The following SPHKAP variants were observed in gnomAD, a reference collection of about 807,000 sequenced individuals.
The protein encoded by SPHKAP is A-kinase anchor protein SPHKAP.
SPHKAP carries 67 observed loss-of-function variants against 137.5 expected under a neutral mutation model. The observed-to-expected ratio is 0.49, with a 90% CI of 0.40 to 0.60. The LOEUF is 0.60. Ranked by LOEUF, SPHKAP falls within the 20% of genes least tolerant of loss-of-function variation. The pLI is 0.00. For synonymous variants in SPHKAP, 813 were observed against 785.3 expected, an observed-to-expected ratio of 1.04 and a Z score of -0.59; for missense variants, 2,097 against 2,069.3, an observed-to-expected ratio of 1.01 and a Z score of -0.26.
intron 7 of SPHKAP, among the ~76,000 whole-genome samples, chr2:228,009,234 A>G (rs1220350053): frequency 6.6e-6 from 1 of 152,036 alleles, no homozygotes; most frequent in African/African-American, 2.4e-5. Flanking sequence ...AGAAATCTGC[A>G]GTTTTATTTG....
At chr2:228,158,006 A>G (rs893503000) in intron 1 of SPHKAP, among the ~76,000 whole-genome samples, 4 of 152,238 alleles carry the variant, frequency 2.6e-5, no homozygotes, top group Admixed American at 6.5e-5. Flanking sequence ...GCACAACAGC[A>G]TGTCAAGCTT....
intron 1 of SPHKAP, among the ~76,000 whole-genome samples, chr2:228,152,981 G>A (rs1574899962): frequency 1.3e-5 from 2 of 152,034 alleles, no homozygotes; most frequent in South Asian, 2.1e-4. Context: ...CTGTTCTCGT[G>A]GTTTTAAGTC....
chr2:228,147,554 C>G (rs1007829771), intron 1 of SPHKAP, among the ~76,000 whole-genome samples: 18 of 152,154 alleles, frequency 1.2e-4, no homozygotes, highest in Non-Finnish European at 2.9e-5. Flanking sequence ...GAAGATACTA[C>G]TATGCAGAAG....
At chr2:228,090,589 C>T (rs1348289567) in intron 3 of SPHKAP, among the ~76,000 whole-genome samples, 1 of 152,090 alleles carries the variant, frequency 6.6e-6, no homozygotes, top group African/African-American at 2.4e-5. Context: ...TTTATCCCTT[C>T]CAAATCTCAT....
chr2:228,169,094 A>G (rs898116564), intron 1 of SPHKAP, among the ~76,000 whole-genome samples: 1 of 152,158 alleles, frequency 6.6e-6, no homozygotes, highest in African/African-American at 2.4e-5. Context: ...TGAAGCCAGC[A>G]GAGGTTGGTT....
intron 9 of SPHKAP, chr2:227,991,757 C>G: frequency 2.6e-6 from 2 of 784,302 alleles, no homozygotes; most frequent in Non-Finnish European, 3.1e-6. Flanking sequence ...AATTTTTTTT[C>G]TATACTACAA....
At chr2:228,026,591 C>T (rs1695040968) in intron 4 of SPHKAP, among the ~76,000 whole-genome samples, 1 of 139,950 alleles carries the variant, frequency 7.1e-6, no homozygotes, top group South Asian at 2.5e-4. Context: ...AAACACACTA[C>T]TCTTAGATAC....
intron 7 of SPHKAP, among the ~76,000 whole-genome samples, chr2:228,001,332 T>C (rs112726834): frequency 2.1e-5 from 3 of 143,016 alleles, no homozygotes; most frequent in South Asian, 4.2e-4. Context: ...TATATATACA[T>C]ATATAAATAT....
intron 3 of SPHKAP, among the ~76,000 whole-genome samples, chr2:228,039,335 A>T (rs1242205385): frequency 1.3e-5 from 2 of 152,228 alleles, no homozygotes; most frequent in Non-Finnish European, 2.9e-5. Context: ...TGCAGGAATA[A>T]ATGTCACTGA....
chr2:228,047,159 G>GTTACT (rs1244591519), intron 3 of SPHKAP, among the ~76,000 whole-genome samples: 1 of 152,130 alleles, frequency 6.6e-6, no homozygotes, highest in African/African-American at 2.4e-5. Flanking sequence ...ACAACAAGAA[G>GTTACT]TTACTTTAAA....
In SPHKAP at chr2:228,018,432, G is replaced by C; in HGVS notation, c.2422C>G (p.Pro808Ala). ...GGVRPGLFKNPTLQSQLSRSH... is the reference protein window; with the variant it reads ...GGVRPGLFKNATLQSQLSRSH... ...CGTGATAATTGTGACTGCAGCGTGG[G>C]GTTCTTGAAGAGGCCTGGCCTCACT... The change falls in exon 7 of 12, where the codon CCC becomes GCC. Residue 808 changes from proline to alanine, a missense_variant. By Grantham distance (27) the Pro-to-Ala change is conservative. Transcript: ENST00000392056. The C allele has an allele frequency of 6.2e-7, 1 of 1,613,956 alleles. No individual in the cohort carries two copies. Among genetic ancestry groups the C allele is most frequent in the Non-Finnish European group, 8.5e-7 (1 of 1,179,890 alleles).
chr2:228,172,555 C>G (rs1012676399), intron 1 of SPHKAP, among the ~76,000 whole-genome samples: 1 of 152,182 alleles, frequency 6.6e-6, no homozygotes, highest in African/African-American at 2.4e-5. Flanking sequence ...GAAATCTTCA[C>G]AAGCCAATGC....
At position 227,991,255 on chromosome 2, in the gene SPHKAP, G is replaced by T; in HGVS notation, c.4774+19C>A. 1.2e-6 allele frequency: 2 copies of T among 1,614,204 alleles called. No homozygotes were observed. Among genetic ancestry groups the T allele is most frequent in the Non-Finnish European group, 1.7e-6 (2 of 1,179,996 alleles). ...CAGCCCAGGCAATTGTGTGTCAAAA[G>T]TATGGGAAGGTGGCTTACCCTCTGT... On this transcript the variant is annotated intron_variant, in intron 10 of 11. Transcript: ENST00000392056.
At chr2:228,135,407 G>T (rs995550700) in intron 1 of SPHKAP, among the ~76,000 whole-genome samples, 1 of 152,118 alleles carries the variant, frequency 6.6e-6, no homozygotes, top group Admixed American at 6.5e-5. Context: ...AAACTAAAAG[G>T]TCGGCCTTGA....
chr2:228,080,994 G>T (rs956111959), intron 3 of SPHKAP, among the ~76,000 whole-genome samples: 3 of 152,030 alleles, frequency 2.0e-5, no homozygotes, highest in Non-Finnish European at 4.4e-5. Flanking sequence ...TTACTACTGG[G>T]TGTGTATCCT....
chr2:228,087,853 A>G (rs1697586732), intron 3 of SPHKAP, among the ~76,000 whole-genome samples: 1 of 152,146 alleles, frequency 6.6e-6, no homozygotes, highest in Non-Finnish European at 1.5e-5. Context: ...GAGAGGAGAA[A>G]GAGAGAGGAG....
chr2:228,090,059 C>T (rs1054044498), intron 3 of SPHKAP, among the ~76,000 whole-genome samples: 1 of 152,176 alleles, frequency 6.6e-6, no homozygotes, highest in African/African-American at 2.4e-5. Context: ...CCTCCAGACT[C>T]AAGAATGGTA....
At chr2:228,106,025 C>T (rs888037113) in intron 3 of SPHKAP, among the ~76,000 whole-genome samples, 1 of 152,154 alleles carries the variant, frequency 6.6e-6, no homozygotes, top group African/African-American at 2.4e-5. Context: ...TTTCTAGCTG[C>T]TCCAAACTGC....
chr2:228,101,753 G>T (rs1314463049), intron 3 of SPHKAP, among the ~76,000 whole-genome samples: 1 of 152,180 alleles, frequency 6.6e-6, no homozygotes, highest in Non-Finnish European at 1.5e-5. Context: ...TCCAGTCCCA[G>T]GTTCTAAATT....
Sources: allele counts gnomAD v4.1 joint callset (sites outside exome capture counted in the v4.1 genomes callset), GRCh38; gene constraint gnomAD v4.1.1; transcripts MANE v1.5; gene names NCBI Gene and HGNC (gene_info 2026-07-23, HGNC 2026-07-21).